Variants in CYP2J2 observed in about 807,000 individuals in gnomAD.
CYP2J2 encodes cytochrome P450 2J2.
In CYP2J2, 41 loss-of-function variants were observed where a neutral mutation model predicts 48.8. The ratio of observed to expected loss-of-function variants is 0.84; its 90% confidence interval spans 0.66 to 1.09. The LOEUF (loss-of-function observed/expected upper bound fraction) is 1.09. CYP2J2 is among the 50% of genes least tolerant of loss of function. The pLI, the probability that CYP2J2 is intolerant of heterozygous loss-of-function variation, is 0.00. For missense variants in CYP2J2, 644 were observed against 617.3 expected (o/e 1.04, Z -0.46); for synonymous variants, 221 against 227.1 (o/e 0.97, Z 0.24).
At chr1:59,915,244 C>G (rs555216060) in intron 2 of CYP2J2, among the ~76,000 whole-genome samples, 1 of 152,114 alleles carries the variant, frequency 6.6e-6, no homozygotes, top group Admixed American at 6.5e-5. Context: ...GTATGCTGAG[C>G]GCCAGTCCCC....
At chr1:59,919,909 C>A (rs1300745600) in intron 1 of CYP2J2, among the ~76,000 whole-genome samples, 1 of 151,988 alleles carries the variant, frequency 6.6e-6, no homozygotes, top group African/African-American at 2.4e-5. Flanking sequence ...CACCTTCTGG[C>A]ACTGGCATAT....
In CYP2J2 at chr1:59,911,676, T is replaced by C; in HGVS notation, c.616A>G (p.Ser206Gly). 6.2e-7 allele frequency: 1 copy of C among 1,613,630 alleles called. No individual in the cohort carries two copies. Reference sequence around the variant, plus strand: ...AACTTCAGCAGCTGCTGAAACCAACTATCCTGGTACTCAAAGCGTTCTCCG... The same window carrying C: ...AACTTCAGCAGCTGCTGAAACCAACCATCCTGGTACTCAAAGCGTTCTCCG... ...TFGERFEYQD[S>G]WFQQLLKLLD... Residue 206 changes from serine (S) to glycine (G), a missense_variant, in exon 4 of 9, where the codon AGT becomes GGT. Coordinates refer to ENST00000371204, the MANE Select transcript of CYP2J2 (RefSeq NM_000775.4).
chr1:59,931,046 A>G (rs371983137), upstream of CYP2J2, among the ~76,000 whole-genome samples: 1 of 152,260 alleles, frequency 6.6e-6, no homozygotes, highest in East Asian at 1.9e-4. Flanking sequence ...CGCAACAAGA[A>G]AAAAGCTGAA....
chr1:59,960,236 T>C, the CYP2J2 span, among the ~76,000 whole-genome samples: 1 of 152,190 alleles, frequency 6.6e-6, no homozygotes, highest in African/African-American at 2.4e-5. Flanking sequence ...TTAGGTTAAC[T>C]ATCATAGTGA....
intron 8 of CYP2J2, among the ~76,000 whole-genome samples, chr1:59,896,590 T>C (rs975194617): frequency 6.6e-6 from 1 of 152,016 alleles, no homozygotes; most frequent in Non-Finnish European, 1.5e-5. Context: ...CTCCACCTCA[T>C]ACCATTTGTG....
At chr1:59,940,090 CT>C in the CYP2J2 span, among the ~76,000 whole-genome samples, 1 of 152,200 alleles carries the variant, frequency 6.6e-6, no homozygotes, top group Non-Finnish European at 1.5e-5. Context: ...AGAGCTGGAA[CT>C]TAAGGTGCCA....
the CYP2J2 span, among the ~76,000 whole-genome samples, chr1:59,956,047 G>A: frequency 0.059 from 8,901 of 152,006 alleles, 635 homozygotes; most frequent in African/African-American, 0.17. Context: ...GTATACATAT[G>A]CATATGTTAC....
the CYP2J2 span, among the ~76,000 whole-genome samples, chr1:59,944,108 T>C: frequency 1.3e-5 from 2 of 152,230 alleles, no homozygotes; most frequent in African/African-American, 4.8e-5. Flanking sequence ...TAAGTATGTA[T>C]AGATTTCTAT....
the CYP2J2 span, among the ~76,000 whole-genome samples, chr1:59,952,738 G>A: frequency 6.6e-6 from 1 of 152,168 alleles, no homozygotes; most frequent in Admixed American, 6.5e-5. Context: ...ATTTATTCAT[G>A]TGTTCATCCA....
At chr1:59,917,305 G>A (rs1300469418) in intron 1 of CYP2J2, among the ~76,000 whole-genome samples, 1 of 152,150 alleles carries the variant, frequency 6.6e-6, no homozygotes, top group South Asian at 2.1e-4. Flanking sequence ...GTGGCAAAGG[G>A]GACAGGAACC....
chr1:59,935,023 T>TATATATATATATATATATATATACAC, the CYP2J2 span, among the ~76,000 whole-genome samples: 2 of 75,306 alleles, frequency 2.7e-5, no homozygotes, highest in East Asian at 3.8e-4. Flanking sequence ...TACATATATA[T>TATATATATATATATATATATATACAC]ATATATATAT....
At chr1:59,967,648 GA>G in the CYP2J2 span, among the ~76,000 whole-genome samples, 1 of 152,222 alleles carries the variant, frequency 6.6e-6, no homozygotes, top group Non-Finnish European at 1.5e-5. Context: ...GAATGAGATG[GA>G]AAACACACTC....
At chr1:59,917,048 T>C (rs1424224353) in intron 1 of CYP2J2, among the ~76,000 whole-genome samples, 3 of 152,138 alleles carry the variant, frequency 2.0e-5, no homozygotes, top group Non-Finnish European at 4.4e-5. Flanking sequence ...TCTGGAGTTA[T>C]GTGACAATCT....
upstream of CYP2J2, among the ~76,000 whole-genome samples, chr1:59,931,714 T>G (rs1199205477): frequency 2.6e-5 from 4 of 152,064 alleles, no homozygotes; most frequent in Non-Finnish European, 4.4e-5. Flanking sequence ...AAAACCTGTT[T>G]ATCCAAAAAA....
chr1:59,946,972 A>T, the CYP2J2 span, among the ~76,000 whole-genome samples: 1 of 150,634 alleles, frequency 6.6e-6, no homozygotes, highest in Non-Finnish European at 1.5e-5. Context: ...GTAAAAAAAA[A>T]AACTAATTTA....
intron 5 of CYP2J2, among the ~76,000 whole-genome samples, chr1:59,909,372 C>T (rs1378315547): frequency 6.6e-6 from 1 of 151,996 alleles, no homozygotes; most frequent in East Asian, 1.9e-4. Flanking sequence ...TTCCAGTGGG[C>T]CCAGTGTTAT....
In CYP2J2 at chr1:59,926,605, A is replaced by G; in HGVS notation, c.142T>C (p.Trp48Arg). 1 of 1,614,226 alleles carries G rather than the reference A, an allele frequency of 6.2e-7. No individual in the cohort carries two copies. The highest frequency in any genetic ancestry group is 1.3e-5 in the African/African-American group (1 of 75,064). ...AAGTTGCCAAGGAAGGGCAGGCGCC[A>G]GGGCCCCGGCGGGTAGTTCTTTGGG... is the stretch of plus-strand genomic sequence containing the variant. ...RRPKNYPPGP[W>R]RLPFLGNFFL... The change falls in exon 1 of 9, where the codon TGG becomes CGG. Residue 48 changes from tryptophan to arginine, a missense_variant. By Grantham distance (101) the Trp-to-Arg change is moderately radical. Coordinates refer to ENST00000371204, the MANE Select transcript of CYP2J2 (RefSeq NM_000775.4).
chr1:59,927,458 A>G (rs1557432775), upstream of CYP2J2, among the ~76,000 whole-genome samples: 1 of 152,214 alleles, frequency 6.6e-6, no homozygotes, highest in Non-Finnish European at 1.5e-5. Context: ...AGCCTTTCAT[A>G]CCATCTGGTG....
chr1:59,920,491 A>G (rs1644503663), intron 1 of CYP2J2, among the ~76,000 whole-genome samples: 1 of 152,104 alleles, frequency 6.6e-6, no homozygotes, highest in Non-Finnish European at 1.5e-5. Context: ...ACAATAAAAT[A>G]TTTGATGGGA....
Sources: gnomAD v4.1 joint callset for allele counts (sites outside exome capture counted in the v4.1 genomes callset) on GRCh38, gnomAD v4.1.1 for gene constraint, MANE v1.5 for transcripts, NCBI Gene and HGNC (gene_info 2026-07-23, HGNC 2026-07-21) for gene names.